Variants in HMGB1 observed in about 807,000 individuals in gnomAD.
The protein encoded by HMGB1 is high mobility group protein B1.
For synonymous variants in HMGB1, 81 were observed against 84.0 expected (o/e 0.96, Z 0.19); for missense variants, 79 against 253.5 (o/e 0.31, Z 4.67).
At chr13:30,554,750 G>A (rs1869600725) in intron 1 of HMGB1, 6 of 768,852 alleles carry the variant, frequency 7.8e-6, no homozygotes, top group Non-Finnish European at 1.5e-5. Context: ...CAGCTCAGAA[G>A]GTGCAGCAGA....
intron 1 of HMGB1, among the ~76,000 whole-genome samples, chr13:30,592,189 T>C (rs149264609): frequency 6.6e-6 from 1 of 152,134 alleles, no homozygotes; most frequent in Admixed American, 6.5e-5. Flanking sequence ...AAAAACATTT[T>C]CCCCTATATT....
chr13:30,488,484 C>CTCTTT (rs60951167), intron 1 of HMGB1, among the ~76,000 whole-genome samples: 139,331 of 150,508 alleles, frequency 0.93, 65,478 homozygotes, highest in East Asian at 1. Flanking sequence ...TATCAACTTT[C>CTCTTT]TCTTTTCTTT....
rs9506326 is a variant in HMGB1 at position 30,528,860 on chromosome 13, C to T, written c.-14-65166G>A. On this transcript the variant is annotated intron_variant, in intron 1 of 4. Coordinates refer to the HMGB1 transcript ENST00000405805. ...TGGCTAACACGGTGAAACCCCGTCT[C>T]TACTAAAAACACAAAAAAATTAGCC... is the stretch of plus-strand genomic sequence containing the variant. 5.3e-3 allele frequency among the ~76,000 whole-genome samples: 803 copies of T among 151,918 alleles called. 7 individuals carry two copies. The highest frequency in any genetic ancestry group is 0.018 in the African/African-American group (755 of 41,438).
chr13:30,562,900 C>T (rs1870022577), intron 1 of HMGB1, among the ~76,000 whole-genome samples: 1 of 152,112 alleles, frequency 6.6e-6, no homozygotes, highest in Non-Finnish European at 1.5e-5. Flanking sequence ...TTATGGAAGG[C>T]ACAAGATCAG....
intron 1 of HMGB1, among the ~76,000 whole-genome samples, chr13:30,530,120 T>C (rs940016522): frequency 3.3e-5 from 5 of 152,148 alleles, no homozygotes; most frequent in Admixed American, 2.6e-4. Flanking sequence ...CACAATACAG[T>C]TGAGCATCCC....
At position 30,579,359 on chromosome 13, in the gene HMGB1, G is replaced by A. The variant is rs140790910; in HGVS notation, c.-15+37312C>T. Among the ~76,000 whole-genome samples the A allele has an allele frequency of 3.3e-4, 50 of 152,308 alleles. No homozygotes were observed. The East Asian group carries it at 9.6e-3, about 29-fold the overall frequency. On this transcript the variant is annotated intron_variant, in intron 1 of 4. Transcript: ENST00000405805. ...GTTTCTGTCACACACATGTGTACCT[G>A]TATATTGGACTGGAATGTAAAACGC...
intron 1 of HMGB1, among the ~76,000 whole-genome samples, chr13:30,607,735 G>C (rs888312138): frequency 6.6e-6 from 1 of 152,170 alleles, no homozygotes; most frequent in African/African-American, 2.4e-5. Flanking sequence ...AATAGAGCTA[G>C]ACAGGAAGGG....
chr13:30,500,869 C>T (rs1029941656), intron 1 of HMGB1, among the ~76,000 whole-genome samples: 11 of 151,992 alleles, frequency 7.2e-5, no homozygotes, highest in East Asian at 3.9e-4. Context: ...GATGGGGTTT[C>T]GCCATGTTAG....
chr13:30,486,763 T>C (rs1294164905), intron 1 of HMGB1, among the ~76,000 whole-genome samples: 1 of 152,044 alleles, frequency 6.6e-6, no homozygotes, highest in Non-Finnish European at 1.5e-5. Context: ...AGGGAAGTGC[T>C]GGGAAATGCT....
intron 1 of HMGB1, among the ~76,000 whole-genome samples, chr13:30,484,446 T>C (rs1264173420): frequency 6.6e-6 from 1 of 152,228 alleles, no homozygotes; most frequent in Non-Finnish European, 1.5e-5. Context: ...CAGGATGCTA[T>C]TTTGCCATTC....
At chr13:30,491,552 A>G (rs1233153564) in intron 1 of HMGB1, among the ~76,000 whole-genome samples, 4 of 151,596 alleles carry the variant, frequency 2.6e-5, no homozygotes, top group South Asian at 2.1e-4. Context: ...AATTCCAGCT[A>G]TTCAGGAGGC....
At chr13:30,464,510 CGAG>C (rs1246265166) in intron 1 of HMGB1, 2 of 984,562 alleles carry the variant, frequency 2.0e-6, no homozygotes, top group East Asian at 1.1e-4. Flanking sequence ...GCCGCGCGGC[CGAG>C]GAGAGAGGAC....
Position 30,459,967 on chromosome 13 carries a change from A to AC in HMGB1, c.*1389dup. ...AAAGAATCCAAGTCTAAATTATATA[A>AC]CAAAACAGCACTCCATCACAAAAGC... On this transcript the variant is annotated 3_prime_UTR_variant, in exon 5 of 5. Coordinates refer to ENST00000341423, the MANE Select transcript of HMGB1 (RefSeq NM_002128.7). The AC allele has an allele frequency of 6.5e-6, 1 of 152,726 alleles. No individual in the cohort carries two copies. Among genetic ancestry groups the AC allele is most frequent in the Middle Eastern group, 3.4e-3 (1 of 294 alleles). The allele number at this position is 152,726 out of a possible 1,614,324, so 9.5% of individuals were successfully genotyped here.
chr13:30,537,696 T>TATAA (rs1868519042), intron 1 of HMGB1, among the ~76,000 whole-genome samples: 2 of 125,724 alleles, frequency 1.6e-5, no homozygotes, highest in African/African-American at 3.1e-5. Context: ...TATATATATA[T>TATAA]AAAATTGATG....
chr13:30,616,542 AG>A (rs1429983417), intron 1 of HMGB1: 4 of 152,246 alleles, frequency 2.6e-5, no homozygotes, highest in African/African-American at 9.6e-5. Context: ...TGTCTATTTC[AG>A]GAGGAAGTAC....
At chr13:30,556,601 T>C (rs533641202) in intron 1 of HMGB1, among the ~76,000 whole-genome samples, 2 of 152,266 alleles carry the variant, frequency 1.3e-5, no homozygotes, top group East Asian at 3.9e-4. Context: ...AATCCCATCG[T>C]TGATGGAATA....
intron 1 of HMGB1, among the ~76,000 whole-genome samples, chr13:30,520,185 C>T (rs1275788714): frequency 4.0e-5 from 6 of 151,418 alleles, no homozygotes; most frequent in African/African-American, 2.4e-5. Context: ...AGCTGGGCAT[C>T]GTGGCACATG....
chr13:30,514,065 T>C (rs968531413), intron 1 of HMGB1, among the ~76,000 whole-genome samples: 7 of 151,890 alleles, frequency 4.6e-5, no homozygotes, highest in Admixed American at 1.3e-4. Context: ...ATTTCATCCA[T>C]CCACTCTCTC....
chr13:30,486,155 C>T (rs1887358261), intron 1 of HMGB1, among the ~76,000 whole-genome samples: 1 of 152,206 alleles, frequency 6.6e-6, no homozygotes. Flanking sequence ...TTGAGGCTGA[C>T]ATGGTACAGC....
Sources: gnomAD v4.1 joint callset for allele counts (sites outside exome capture counted in the v4.1 genomes callset) on GRCh38, gnomAD v4.1.1 for gene constraint, MANE v1.5 for transcripts, NCBI Gene and HGNC (gene_info 2026-07-23, HGNC 2026-07-21) for gene names.